EXTL3: variants seen among roughly 807,000 people sequenced by gnomAD.
EXTL3 encodes exostosin-like 3.
In EXTL3, 27 loss-of-function variants were observed where a neutral mutation model predicts 69.3. The ratio of observed to expected loss-of-function variants is 0.39; its 90% CI spans 0.29 to 0.54. The LOEUF is 0.54. Ranked by LOEUF, EXTL3 falls within the 20% of genes least tolerant of loss-of-function variation. The probability of loss-of-function intolerance (pLI) is 0.69; values close to 1 mark genes in which losing one functional copy is unlikely to be tolerated. For missense variants in EXTL3, 1,003 were observed against 1,231.8 expected (o/e 0.81, Z 2.78); for synonymous variants, 511 against 499.4 (o/e 1.02, Z -0.31).
In EXTL3 at chr8:28,631,898, G is replaced by T. The variant is rs1480854337; in HGVS notation, c.-53+9088G>T. Among the ~76,000 whole-genome samples, 9 of 151,138 alleles carry T rather than the reference G, an allele frequency of 6.0e-5. No homozygotes were observed. The East Asian group carries it at 1.8e-3, about 30-fold the overall frequency. ...AAGTCAAGAGATCGAGACCATCCTG[G>T]CCAACATGGTGAAACCCCGTCTCTA... On this transcript the variant is annotated intron_variant, in intron 1 of 6. Transcript: ENST00000523149.
At chr8:28,648,045 C>G (rs960810604) in intron 1 of EXTL3, among the ~76,000 whole-genome samples, 1 of 152,008 alleles carries the variant, frequency 6.6e-6, no homozygotes, top group Non-Finnish European at 1.5e-5. Context: ...CAAGAGTTGA[C>G]GCCTCCTGTA....
intron 6 of EXTL3, among the ~76,000 whole-genome samples, chr8:28,745,544 T>TA (rs1182117923): frequency 1.3e-5 from 2 of 152,194 alleles, no homozygotes; most frequent in Non-Finnish European, 2.9e-5. Flanking sequence ...AGAAAGCAAT[T>TA]AATGATGGGT....
At chr8:28,665,403 C>T (rs1417335002) in intron 1 of EXTL3, among the ~76,000 whole-genome samples, 2 of 148,236 alleles carry the variant, frequency 1.3e-5, no homozygotes, top group African/African-American at 2.5e-5. Flanking sequence ...CAAGCTCAGT[C>T]GTCACTTGTT....
intron 2 of EXTL3, among the ~76,000 whole-genome samples, chr8:28,608,874 A>G (rs1806237253): frequency 6.6e-6 from 1 of 152,116 alleles, no homozygotes; most frequent in African/African-American, 2.4e-5. Context: ...AAAAACAAAA[A>G]CAAAAACAAA....
At position 28,658,390 on chromosome 8, in the gene EXTL3, G is replaced by C. The variant is rs188903198; in HGVS notation, c.-53+35580G>C. Among the ~76,000 whole-genome samples, 2 of 152,138 alleles carry C rather than the reference G, an allele frequency of 1.3e-5. 1 individual carries two copies. The highest frequency in any genetic ancestry group is 2.9e-5 in the Non-Finnish European group (2 of 67,990). ...CTCCCTAATCCACTCCAGGTAATCA[G>C]CTTTTCATTTCTGTGTGTATTCATC... On this transcript the variant is annotated intron_variant, in intron 1 of 6. Transcript: ENST00000523149.
At chr8:28,629,911 G>A (rs1457829014) in intron 1 of EXTL3, among the ~76,000 whole-genome samples, 1 of 152,188 alleles carries the variant, frequency 6.6e-6, no homozygotes, top group Non-Finnish European at 1.5e-5. Context: ...AAGAGAGAGA[G>A]AGAGATGTGG....
At chr8:28,642,402 C>T (rs1806758919) in intron 1 of EXTL3, among the ~76,000 whole-genome samples, 1 of 148,364 alleles carries the variant, frequency 6.7e-6, no homozygotes, top group Admixed American at 6.8e-5. Flanking sequence ...GCCAAGATTG[C>T]ACCACTACAC....
At chr8:28,649,925 G>A (rs183478242) in intron 1 of EXTL3, among the ~76,000 whole-genome samples, 2 of 152,008 alleles carry the variant, frequency 1.3e-5, no homozygotes, top group East Asian at 1.9e-4. Context: ...GCCCGGGCAC[G>A]GTGGGTCACA....
chr8:28,749,024 A>C (rs1457832498), intron 6 of EXTL3, among the ~76,000 whole-genome samples: 1 of 152,230 alleles, frequency 6.6e-6, no homozygotes, highest in Non-Finnish European at 1.5e-5. Flanking sequence ...TGTTATAAGG[A>C]GAAATTACTC....
chr8:28,681,859 G>A (rs1007206423), intron 1 of EXTL3, among the ~76,000 whole-genome samples: 1 of 152,152 alleles, frequency 6.6e-6, no homozygotes, highest in Admixed American at 6.5e-5. Context: ...TTCGAGACCA[G>A]CCTGACCAAC....
rs1437126457 is a variant in EXTL3 at position 28,737,636 on chromosome 8, G to T, written c.2394G>T (p.Val798=). ...NSNYSCELSM[V]LTGAAFFHKY... ...ACTACTCCTGTGAGCTGTCCATGGT[G>T]CTGACAGGTGCTGCCTTCTTTCACA... The change falls in exon 5 of 7, where the codon GTG becomes GTT. Residue 798 remains valine, a synonymous_variant. Transcript: ENST00000220562. 4 of 1,614,164 alleles carry T rather than the reference G, an allele frequency of 2.5e-6. No homozygotes were observed. The Middle Eastern group carries it at 4.9e-4, about 200-fold the overall frequency.
chr8:28,718,279 C>G (rs1801211160), intron 3 of EXTL3, 72 bp downstream of exon 3: 1 of 1,474,930 alleles, frequency 6.8e-7, no homozygotes, highest in South Asian at 1.1e-5. Flanking sequence ...TTCCAACTTC[C>G]TTCACTTTAG....
chr8:28,718,072 G>A lies in EXTL3; in HGVS notation c.2013G>A (p.Glu671=), dbSNP rs1299018993. The change falls in exon 3 of 7, where the codon GAG becomes GAA. Residue 671 remains glutamate, a synonymous_variant. Transcript: ENST00000220562. ...EQFTVVMLTY[E]REEVLMNSLE... The stretch of plus-strand genomic sequence containing the variant: ...TCACGGTGGTGATGTTGACTTATGA[G>A]CGGGAGGAAGTGCTTATGAACTCTT... 4 of 1,613,950 alleles carry A rather than the reference G, an allele frequency of 2.5e-6. No individual in the cohort carries two copies. The highest frequency in any genetic ancestry group is 3.3e-5 in the Admixed American group (2 of 59,996).
intron 1 of EXTL3, among the ~76,000 whole-genome samples, chr8:28,628,268 A>G (rs1806524236): frequency 6.6e-6 from 1 of 152,208 alleles, no homozygotes; most frequent in Non-Finnish European, 1.5e-5. Context: ...AGGCTGAGGC[A>G]GGAGAATCGC....
intron 1 of EXTL3, among the ~76,000 whole-genome samples, chr8:28,634,739 C>CGT (rs1393653561): frequency 2.6e-5 from 4 of 151,958 alleles, no homozygotes; most frequent in Non-Finnish European, 4.4e-5. Context: ...GGATTACAGG[C>CGT]GTGCACCACC....
intron 1 of EXTL3, among the ~76,000 whole-genome samples, chr8:28,632,603 G>C (rs2130565143): frequency 7.0e-6 from 1 of 143,592 alleles, no homozygotes; most frequent in Non-Finnish European, 1.5e-5. Context: ...GCCCAGGCTA[G>C]AGTAGAGTGG....
At chr8:28,710,590 T>C in intron 1 of EXTL3, 1 of 393,888 alleles carries the variant, frequency 2.5e-6, no homozygotes, top group East Asian at 7.5e-5. Context: ...TGAGAGATTT[T>C]TTTTTTGTAG....
At chr8:28,744,523 A>G (rs1801844264) in intron 6 of EXTL3, among the ~76,000 whole-genome samples, 2 of 152,166 alleles carry the variant, frequency 1.3e-5, no homozygotes, top group South Asian at 4.1e-4. Flanking sequence ...GGCTGGGCGC[A>G]GTGGCTTACG....
upstream of EXTL3, among the ~76,000 whole-genome samples, chr8:28,618,714 G>C (rs957506022): frequency 7.2e-5 from 11 of 152,074 alleles, no homozygotes. Context: ...GCAGGGTCAG[G>C]CCAGGCACGA....
Sources: gnomAD v4.1 joint callset for allele counts (sites outside exome capture counted in the v4.1 genomes callset) on GRCh38, gnomAD v4.1.1 for gene constraint, MANE v1.5 for transcripts, NCBI Gene and HGNC (gene_info 2026-07-23, HGNC 2026-07-21) for gene names.